Variants in NONO observed in about 807,000 individuals in gnomAD.
The protein encoded by NONO is non-POU domain-containing octamer-binding protein.
In NONO, 6 loss-of-function variants were observed where a neutral mutation model predicts 40.2. That is an observed-to-expected ratio of 0.15 (90% CI 0.08 to 0.29). NONO has a LOEUF of 0.29. Among genes scored for constraint, NONO ranks in the 10% least tolerant of loss-of-function variants. The pLI, the probability that NONO is intolerant of heterozygous loss-of-function variation, is 1.00. For synonymous variants in NONO, 89 were observed against 123.3 expected (o/e 0.72, Z 1.85); for missense variants, 133 against 397.8 (o/e 0.33, Z 5.66).
intron 7 of NONO, 23 bp from the exon 8 acceptor site, chrX:71,297,354 T>C (rs1459341864): frequency 2.7e-6 from 3 of 1,130,380 alleles, no homozygotes; most frequent in Non-Finnish European, 3.6e-6. Context: ...ATGAGGAATA[T>C]TCTTAGTCTG....
chrX:71,297,239 A>G (rs2031472738), intron 7 of NONO, 138 bp from the exon 8 acceptor site: 1 of 674,096 alleles, frequency 1.5e-6, no homozygotes. Context: ...GATAGGTATA[A>G]CTTCATTTTG....
intron 4 of NONO, among the ~76,000 whole-genome samples, chrX:71,293,334 A>G (rs1050944026): frequency 1.8e-5 from 2 of 111,479 alleles, no homozygotes; most frequent in Non-Finnish European, 3.8e-5. Flanking sequence ...TAATCCCAGC[A>G]CTTTTTGGGA....
intron 8 of NONO, 176 bp downstream of exon 8, chrX:71,297,637 T>A: frequency 2.0e-6 from 1 of 495,901 alleles, no homozygotes; most frequent in Non-Finnish European, 3.4e-6. Context: ...TCCTAGAAGT[T>A]ACCTGCTAAA....
At position 71,295,743 on chromosome X, in the gene NONO, A is replaced by G. The variant is rs1035413081; in HGVS notation, c.651-822A>G. ...GAGGCAGAGGTTGCAGTGAGCCGAC[A>G]TTGCACCACTGCACTCTAGCCTGGG... is the stretch of plus-strand genomic sequence containing the variant. On this transcript the variant is annotated intron_variant, in intron 5 of 11. Transcript: ENST00000276079. Among the ~76,000 whole-genome samples the G allele has an allele frequency of 5.4e-5, 6 of 111,500 alleles. No individual in the cohort carries two copies. The East Asian group carries it at 1.7e-3, about 31-fold the overall frequency.
rs752522400 is a variant in NONO, at chrX:71,300,055, A to G, written c.1395A>G (p.Pro465=). Residue 465 remains proline, a synonymous_variant, in exon 12 of 12, where the codon CCA becomes CCG. Transcript: ENST00000276079. Reference sequence around the variant, plus strand: ...CAGCTCCTGGAGCTGAATTTGCCCCAAACAAACGTCGCCGATACTAATAAG... The same window carrying G: ...CAGCTCCTGGAGCTGAATTTGCCCCGAACAAACGTCGCCGATACTAATAAG... ...NRAAPGAEFA[P]NKRRRY 3 of 1,211,364 alleles carry G rather than the reference A, an allele frequency of 2.5e-6. No homozygotes were observed. The highest frequency in any genetic ancestry group is 3.4e-6 in the Non-Finnish European group (3 of 895,377).
chrX:71,289,267 T>G (rs1325060503), intron 2 of NONO, among the ~76,000 whole-genome samples: 1 of 111,781 alleles, frequency 8.9e-6, no homozygotes, highest in Non-Finnish European at 1.9e-5. Context: ...TTAATTTTAT[T>G]ATTTTTTAAA....
Position 71,285,856 on chromosome X carries a change from A to G in NONO, c.-10+1403A>G, listed in dbSNP as rs755188167. On this transcript the variant is annotated intron_variant, in intron 2 of 11. Transcript: ENST00000276079. ...AGAAACGACCCAGGTGTCCAACACA[A>G]TAGGGACTTGGTTGACAACTGAATG... Among the ~76,000 whole-genome samples the G allele has an allele frequency of 3.1e-4, 35 of 112,276 alleles. 1 individual carries two copies. Among genetic ancestry groups the G allele is most frequent in the Middle Eastern group, 4.6e-3 (1 of 216 alleles).
rs1439252418 is a variant in NONO at position 71,297,339 on chromosome X, A to T, written c.944-38A>T. 4 of 1,075,203 alleles carry T rather than the reference A, an allele frequency of 3.7e-6. No homozygotes were observed. In the African/African-American group the frequency reaches 7.4e-5, roughly 20 times the overall value. The allele number at this position is 1,075,203 out of a possible 1,213,427, so 88.6% of individuals were successfully genotyped here. On this transcript the variant is annotated intron_variant, in intron 7 of 11. Coordinates refer to ENST00000276079, the MANE Select transcript of NONO (RefSeq NM_007363.5). ...GAAGAAAGTCATTAGATCTATATGA[A>T]GACAATGAGGAATATTCTTAGTCTG... is the stretch of plus-strand genomic sequence containing the variant.
intron 5 of NONO, among the ~76,000 whole-genome samples, chrX:71,295,482 G>A (rs2031422696): frequency 3.6e-5 from 4 of 109,648 alleles, no homozygotes; most frequent in Non-Finnish European, 7.6e-5. Flanking sequence ...ACAAGACTCC[G>A]TCTCCAAAAA....
Position 71,300,319 on chromosome X carries a change from C to G in NONO, c.*243C>G. 2.6e-6 allele frequency: 1 copy of G among 386,208 alleles called. No individual in the cohort carries two copies. Among genetic ancestry groups the G allele is most frequent in the African/African-American group, 2.5e-5 (1 of 39,376 alleles). The allele number at this position is 386,208 out of a possible 1,213,427, so 31.8% of individuals were successfully genotyped here. ...TGCATTCCTGAAGTCTCTAATGTGA[C>G]TGTTGAGGGCCTGGGGAAACCATGG... On this transcript the variant is annotated 3_prime_UTR_variant, in exon 12 of 12. Transcript: ENST00000276079.
At chrX:71,296,803 C>G in intron 6 of NONO, 48 bp from the exon 7 acceptor site, 1 of 1,145,298 alleles carries the variant, frequency 8.7e-7, no homozygotes, top group Admixed American at 2.5e-5. Context: ...CAATTCTTAG[C>G]TGGGGTAATT....
Position 71,294,213 on chromosome X carries a change from C to T in NONO, c.349-14C>T, listed in dbSNP as rs745437900. The T allele has an allele frequency of 1.8e-5, 22 of 1,207,061 alleles. No homozygotes were observed. Among genetic ancestry groups the T allele is most frequent in the Non-Finnish European group, 2.5e-5 (22 of 892,253 alleles). On this transcript the variant is annotated splice_polypyrimidine_tract_variant and intron_variant, in intron 4 of 11. Transcript: ENST00000276079. ...TGTCAAACTGAGTTATTCTGATTTT[C>T]CTCTGCTTCCTAGGAAACCCGAACC...
intron 5 of NONO, 84 bp downstream of exon 5, chrX:71,294,612 T>C: frequency 1.0e-6 from 1 of 966,139 alleles, no homozygotes. Flanking sequence ...GTAACCACTT[T>C]TCTATGTTTA....
At chrX:71,291,753 T>C (rs774989548) in intron 3 of NONO, 26 bp from the exon 4 acceptor site, 1 of 1,114,038 alleles carries the variant, frequency 9.0e-7, no homozygotes, top group East Asian at 3.1e-5. Context: ...CCCCAGTCTT[T>C]TAAGTGACTG....
intron 2 of NONO, among the ~76,000 whole-genome samples, chrX:71,288,294 G>A (rs768053650): frequency 1.0e-5 from 1 of 99,231 alleles, no homozygotes; most frequent in Non-Finnish European, 2.1e-5. Context: ...TAGAGGTGGG[G>A]CTCACTATGT....
At chrX:71,288,693 A>G (rs1365935062) in intron 2 of NONO, among the ~76,000 whole-genome samples, 2 of 112,908 alleles carry the variant, frequency 1.8e-5, no homozygotes, top group Non-Finnish European at 3.7e-5. Flanking sequence ...CGCCTGGCCT[A>G]TCTTTTTATG....
chrX:71,296,547 C>A lies in NONO; in HGVS notation c.651-18C>A. The A allele has an allele frequency of 1.7e-6, 2 of 1,143,751 alleles. No homozygotes were observed. The highest frequency in any genetic ancestry group is 2.4e-6 in the Non-Finnish European group (2 of 841,478). The allele number at this position is 1,143,751 out of a possible 1,213,427, so 94.3% of individuals were successfully genotyped here. On this transcript the variant is annotated intron_variant, in intron 5 of 11. Transcript: ENST00000276079. ...GGGGTATGATTTGATTAACACTGAACTTTGTTCTTTCTTCCAGATTTCCTC... is the reference window on the plus strand; with the variant it reads ...GGGGTATGATTTGATTAACACTGAAATTTGTTCTTTCTTCCAGATTTCCTC...
At chrX:71,299,433 G>A (rs1004781089) in intron 11 of NONO, among the ~76,000 whole-genome samples, 1 of 111,851 alleles carries the variant, frequency 8.9e-6, no homozygotes, top group African/African-American at 3.2e-5. Context: ...AAATGCCACC[G>A]TCTGACTGGC....
chrX:71,288,237 T>C (rs2148029511), intron 2 of NONO, among the ~76,000 whole-genome samples: 1 of 97,151 alleles, frequency 1.0e-5, no homozygotes, highest in East Asian at 3.7e-4. Flanking sequence ...TGGGACTACA[T>C]GAGTGTGCTA....
Sources: gnomAD v4.1 joint callset for allele counts (sites outside exome capture counted in the v4.1 genomes callset) on GRCh38, gnomAD v4.1.1 for gene constraint, MANE v1.5 for transcripts, NCBI Gene and HGNC (gene_info 2026-07-23, HGNC 2026-07-21) for gene names.